The following RASEF variants were observed in gnomAD, a reference collection of about 807,000 sequenced individuals.
The protein encoded by RASEF is ras and EF-hand domain-containing protein.
Under a neutral mutation model 90.1 loss-of-function variants are expected in RASEF, and 68 were observed. That is an observed-to-expected ratio of 0.75 (90% CI 0.62 to 0.92). The LOEUF is 0.92. RASEF is among the 40% of genes least tolerant of loss of function. RASEF has a pLI of 0.00. For synonymous variants in RASEF, 331 were observed against 345.2 expected (o/e 0.96, Z 0.46); for missense variants, 949 against 937.2 (o/e 1.01, Z -0.16).
At chr9:83,029,722 C>A (rs1230375252) in intron 1 of RASEF, among the ~76,000 whole-genome samples, 1 of 152,016 alleles carries the variant, frequency 6.6e-6, no homozygotes, top group African/African-American at 2.4e-5. Context: ...CAGGCTTGTT[C>A]TTATAAACAA....
At chr9:83,054,919 C>G (rs1341018207) in intron 1 of RASEF, 1 of 150,392 alleles carries the variant, frequency 6.6e-6, no homozygotes, top group Non-Finnish European at 1.5e-5. Flanking sequence ...TCTCCATCTG[C>G]GTGCTGGGAG....
intron 9 of RASEF, among the ~76,000 whole-genome samples, chr9:83,003,099 G>T (rs1265957001): frequency 1.3e-5 from 2 of 151,988 alleles, no homozygotes; most frequent in Non-Finnish European, 2.9e-5. Context: ...ACCAAATAAA[G>T]CTATAAAAAC....
chr9:83,216,630 G>T, the RASEF span, among the ~76,000 whole-genome samples: 5 of 152,184 alleles, frequency 3.3e-5, no homozygotes, highest in African/African-American at 1.2e-4. Flanking sequence ...ACCTCTGCTA[G>T]GGCAGTGCGA....
At chr9:83,134,310 G>A in the RASEF span, among the ~76,000 whole-genome samples, 1 of 151,682 alleles carries the variant, frequency 6.6e-6, no homozygotes, top group Non-Finnish European at 1.5e-5. Context: ...AGAACACTTA[G>A]TCCACACCTT....
the RASEF span, among the ~76,000 whole-genome samples, chr9:83,200,202 G>C: frequency 0.8 from 121,114 of 151,938 alleles, 48,820 homozygotes; most frequent in East Asian, 0.96. Context: ...TTGAGGCCAG[G>C]CTGACTAACA....
At position 83,029,393 on chromosome 9, in the gene RASEF, C is replaced by CT. The variant is rs869144602; in HGVS notation, c.432-3473dup. ...CTGTAAACTCTCCCAGACTTGCCTTCTTTTTTTTTTTTTTTTTGAAACTGA... is the reference window on the plus strand; with the variant it reads ...CTGTAAACTCTCCCAGACTTGCCTTCTTTTTTTTTTTTTTTTTTGAAACTGA... On this transcript the variant is annotated intron_variant, in intron 1 of 16. Coordinates refer to ENST00000376447, the MANE Select transcript of RASEF (RefSeq NM_152573.4). 7.6e-3 allele frequency among the ~76,000 whole-genome samples: 1,025 copies of CT among 134,800 alleles called. 12 individuals are homozygous for CT. Among genetic ancestry groups the CT allele is most frequent in the African/African-American group, 0.024 (864 of 36,376 alleles). The allele number at this position is 134,800 out of a possible 152,430, so 88.4% of individuals were successfully genotyped here. A position where few individuals can be genotyped will look rare whatever the true frequency, so the allele number is the denominator to read the frequency against.
the RASEF span, among the ~76,000 whole-genome samples, chr9:83,154,614 A>G: frequency 6.6e-6 from 1 of 152,204 alleles, no homozygotes. Flanking sequence ...GAACTTCTAA[A>G]GCACAAAGAG....
chr9:83,161,535 T>C, the RASEF span, among the ~76,000 whole-genome samples: 1 of 152,080 alleles, frequency 6.6e-6, no homozygotes, highest in Non-Finnish European at 1.5e-5. Flanking sequence ...TTTTACATGC[T>C]CATAGGTGGA....
chr9:83,131,244 AAT>A, the RASEF span, among the ~76,000 whole-genome samples: 1 of 152,250 alleles, frequency 6.6e-6, no homozygotes, highest in Admixed American at 6.5e-5. Flanking sequence ...ACAGGAAACA[AAT>A]ATTGTACATG....
At chr9:83,086,153 T>C in the RASEF span, among the ~76,000 whole-genome samples, 96 of 152,176 alleles carry the variant, frequency 6.3e-4, no homozygotes, top group African/African-American at 2.3e-3. Context: ...GTGCTAGGTG[T>C]TATGCGTATG....
chr9:83,138,135 A>G, the RASEF span, among the ~76,000 whole-genome samples: 1 of 152,112 alleles, frequency 6.6e-6, no homozygotes, highest in Middle Eastern at 3.4e-3. Flanking sequence ...CCAAGCATCT[A>G]AGGTCTAAAA....
chr9:83,103,666 C>G, the RASEF span, among the ~76,000 whole-genome samples: 1 of 152,116 alleles, frequency 6.6e-6, no homozygotes, highest in African/African-American at 2.4e-5. Context: ...TATTAGCAAT[C>G]ATTGGAGAAT....
chr9:83,064,236 A>G (rs1830262380), upstream of RASEF, among the ~76,000 whole-genome samples: 1 of 152,238 alleles, frequency 6.6e-6, no homozygotes. Context: ...CATGGTCAAC[A>G]CTAACAGCTT....
the RASEF span, among the ~76,000 whole-genome samples, chr9:83,196,643 T>C: frequency 6.6e-6 from 1 of 152,324 alleles, no homozygotes; most frequent in South Asian, 2.1e-4. Flanking sequence ...TGATGCTGAC[T>C]TGAACCCATA....
At chr9:83,155,090 C>T in the RASEF span, among the ~76,000 whole-genome samples, 2 of 152,188 alleles carry the variant, frequency 1.3e-5, no homozygotes, top group Non-Finnish European at 2.9e-5. Flanking sequence ...CCAGTACAAA[C>T]AGGCAGCCTG....
At chr9:83,115,574 T>G in the RASEF span, among the ~76,000 whole-genome samples, 3 of 152,184 alleles carry the variant, frequency 2.0e-5, no homozygotes, top group Admixed American at 1.3e-4. Flanking sequence ...AAATACAAAT[T>G]AATTCAGTCT....
intron 1 of RASEF, among the ~76,000 whole-genome samples, chr9:83,030,135 T>C (rs114995463): frequency 6.6e-6 from 1 of 152,086 alleles, no homozygotes; most frequent in Non-Finnish European, 1.5e-5. Context: ...GGTGGGTAGA[T>C]CACCTGAGGT....
chr9:83,210,530 C>T, the RASEF span, among the ~76,000 whole-genome samples: 113 of 152,264 alleles, frequency 7.4e-4, no homozygotes, highest in African/African-American at 2.2e-3. Flanking sequence ...ACTGGCAGCA[C>T]GCCTGCAATC....
In RASEF at chr9:83,035,754, GGAGCT is replaced by G. The variant is rs895582399; in HGVS notation, c.432-9838_432-9834del. Among the ~76,000 whole-genome samples the G allele has an allele frequency of 6.6e-5, 10 of 152,062 alleles. No homozygotes were observed. In the South Asian group the frequency reaches 8.3e-4, roughly 13 times the overall value. ...ATATTTCTACTTTGGCAAAAAAAAA[GGAGCT>G]GAGAAGCAAAAAAGGAATACAATAT... is the stretch of plus-strand genomic sequence containing the variant. On this transcript the variant is annotated intron_variant, in intron 1 of 16. Transcript: ENST00000376447.
Sources: allele counts gnomAD v4.1 joint callset (sites outside exome capture counted in the v4.1 genomes callset), GRCh38; gene constraint gnomAD v4.1.1; transcripts MANE v1.5; gene names NCBI Gene and HGNC (gene_info 2026-07-23, HGNC 2026-07-21).